The following NR1D2 variants were observed in gnomAD, a reference collection of about 807,000 sequenced individuals.
The protein encoded by NR1D2 is V-erbA-related protein 1-related.
NR1D2 carries 25 observed loss-of-function variants against 52.2 expected under a neutral mutation model. The observed-to-expected ratio is 0.48, with a 90% confidence interval of 0.35 to 0.67. NR1D2 has a LOEUF of 0.67. Among genes scored for constraint, NR1D2 ranks in the 30% least tolerant of loss-of-function variants. The pLI, the probability that NR1D2 is intolerant of heterozygous loss-of-function variation, is 0.01. For synonymous variants in NR1D2, 259 were observed against 230.1 expected (o/e 1.13, Z -1.14); for missense variants, 681 against 707.2 (o/e 0.96, Z 0.42).
chr3:23,959,198 G>T (rs543383798), intron 3 of NR1D2, among the ~76,000 whole-genome samples: 1 of 151,362 alleles, frequency 6.6e-6, no homozygotes, highest in Admixed American at 6.6e-5. Context: ...AGGGAGGTCA[G>T]GGCTGCAGTG....
intron 1 of NR1D2, chr3:23,946,237 C>G (rs540079255): frequency 1.0e-6 from 1 of 985,436 alleles, no homozygotes; most frequent in Non-Finnish European, 1.2e-6. Context: ...CCGGACGCCG[C>G]ACGCTCTTTT....
chr3:23,960,412 C>T (rs1419102452), intron 4 of NR1D2, among the ~76,000 whole-genome samples: 2 of 152,110 alleles, frequency 1.3e-5, no homozygotes, highest in Admixed American at 6.5e-5. Context: ...CTCAATGTAG[C>T]CTCTATCTCC....
At chr3:23,960,707 TA>T (rs1245923244) in intron 4 of NR1D2, among the ~76,000 whole-genome samples, 1 of 152,156 alleles carries the variant, frequency 6.6e-6, no homozygotes, top group East Asian at 1.9e-4. Flanking sequence ...TTTATAGTGC[TA>T]AAAGTACTAA....
At chr3:23,969,982 A>G (rs2125296342) in intron 7 of NR1D2, among the ~76,000 whole-genome samples, 1 of 152,302 alleles carries the variant, frequency 6.6e-6, no homozygotes, top group Middle Eastern at 3.4e-3. Context: ...GGGGGACAAA[A>G]GCCTTCAGAG....
At chr3:23,951,552 C>T (rs1705933572) in intron 1 of NR1D2, among the ~76,000 whole-genome samples, 1 of 152,208 alleles carries the variant, frequency 6.6e-6, no homozygotes, top group Non-Finnish European at 1.5e-5. Context: ...ATAAAGACAG[C>T]ACAATGGTTT....
chr3:23,966,183 G>T (rs927434808), intron 6 of NR1D2, among the ~76,000 whole-genome samples: 3 of 152,256 alleles, frequency 2.0e-5, no homozygotes, highest in African/African-American at 4.8e-5. Context: ...GTGAGAGGAA[G>T]TTGATGTTTG....
intron 7 of NR1D2, among the ~76,000 whole-genome samples, chr3:23,973,614 C>G (rs1706646819): frequency 1.3e-5 from 2 of 152,150 alleles, no homozygotes; most frequent in South Asian, 4.1e-4. Context: ...CTGTATATGA[C>G]TGTAGACTTA....
intron 7 of NR1D2, among the ~76,000 whole-genome samples, chr3:23,968,508 A>G (rs557985953): frequency 1.3e-5 from 2 of 152,336 alleles, no homozygotes; most frequent in South Asian, 2.1e-4. Flanking sequence ...AACTTGGGTA[A>G]GTAACTTTAC....
chr3:23,961,389 C>CTTTTTTTTTTTTTTTTTTT (rs869108010), intron 4 of NR1D2, among the ~76,000 whole-genome samples: 12 of 76,006 alleles, frequency 1.6e-4, no homozygotes, highest in East Asian at 3.7e-4. Flanking sequence ...CTTTTTCTTT[C>CTTTTTTTTTTTTTTTTTTT]TTTTTTTTTT....
chr3:23,946,153 G>A, intron 1 of NR1D2: 1 of 985,258 alleles, frequency 1.0e-6, no homozygotes, highest in South Asian at 4.7e-5. Context: ...ACACTGCGGA[G>A]GAGGCCGCGC....
Position 23,951,789 on chromosome 3 carries a change from C to T in NR1D2, c.17-2748C>T, listed in dbSNP as rs146149919. ...TTGCACATTCCTGAGGATGTGTTCT[C>T]GTCTGGGCAGGGCCTTGGAAACATG... On this transcript the variant is annotated intron_variant, in intron 1 of 7. Coordinates refer to ENST00000312521, the MANE Select transcript of NR1D2 (RefSeq NM_005126.5). Among the ~76,000 whole-genome samples, 465 of 152,270 alleles carry T rather than the reference C, an allele frequency of 3.1e-3. 4 individuals carry two copies. The highest frequency in any genetic ancestry group is 0.011 in the African/African-American group (447 of 41,562).
rs1299978376 is a variant in NR1D2, at chr3:23,967,968, C to T, written c.1488C>T (p.Leu496=). The change falls in exon 7 of 8, where the codon CTC becomes CTT. Residue 496 remains leucine, a synonymous_variant. Coordinates refer to ENST00000312521, the MANE Select transcript of NR1D2 (RefSeq NM_005126.5). ...AATTTAGTGAGAAGCTAAATGCCCT[C>T]CAACTTAGTGATGAAGAGATGAGTT... ...MFEFSEKLNA[L]QLSDEEMSLF... 3 of 1,614,022 alleles carry T rather than the reference C, an allele frequency of 1.9e-6. No individual in the cohort carries two copies. The highest frequency in any genetic ancestry group is 1.3e-5 in the African/African-American group (1 of 74,918).
At position 23,957,213 on chromosome 3, in the gene NR1D2, C is replaced by T. The variant is rs183457473; in HGVS notation, c.372+1088C>T. Among the ~76,000 whole-genome samples the T allele has an allele frequency of 3.0e-3, 461 of 151,772 alleles. 3 individuals carry two copies. The highest frequency in any genetic ancestry group is 0.011 in the African/African-American group (443 of 41,434). The stretch of plus-strand genomic sequence containing the variant: ...GGCCAGGCTGGTCTTGAACTCCTAA[C>T]CTCAGGTGATCTGCCCGCCTCGGCT... On this transcript the variant is annotated intron_variant, in intron 3 of 7. Transcript: ENST00000312521.
Position 23,946,411 on chromosome 3 carries a change from G to T in NR1D2, c.16+817G>T, listed in dbSNP as rs951553896. The T allele has an allele frequency of 1.4e-5, 8 of 552,880 alleles. No homozygotes were observed. In the African/African-American group the frequency reaches 1.6e-4, roughly 11 times the overall value. 34.2% of individuals were successfully genotyped at this position (552,880 alleles called of 1,614,324 possible). A position where few individuals can be genotyped will look rare whatever the true frequency, so the allele number is the denominator to read the frequency against. ...GGGAAGGCGTGGGGCTTTCCCGAAG[G>T]GATACGCTCGAAGGAGCTCTGAGGT... On this transcript the variant is annotated intron_variant, in intron 1 of 7. Transcript: ENST00000312521.
At chr3:23,972,597 G>C (rs1706619285) in intron 7 of NR1D2, among the ~76,000 whole-genome samples, 1 of 152,158 alleles carries the variant, frequency 6.6e-6, no homozygotes, top group South Asian at 2.1e-4. Context: ...TTTTGTTGAA[G>C]GTTTGACTTT....
At chr3:23,967,252 G>A (rs1016807535) in intron 6 of NR1D2, among the ~76,000 whole-genome samples, 2 of 152,080 alleles carry the variant, frequency 1.3e-5, no homozygotes, top group Non-Finnish European at 2.9e-5. Flanking sequence ...GAACCCAGGA[G>A]GCAGAGGTTG....
At chr3:23,948,923 A>G (rs11922609) in intron 1 of NR1D2, among the ~76,000 whole-genome samples, 65,869 of 152,130 alleles carry the variant, frequency 0.43, 16,165 homozygotes, top group African/African-American at 0.67. Context: ...GGTTATAGCT[A>G]GTGGAAAAGG....
At chr3:23,947,152 A>G (rs1310031686) in intron 1 of NR1D2, among the ~76,000 whole-genome samples, 2 of 152,160 alleles carry the variant, frequency 1.3e-5, no homozygotes, top group Non-Finnish European at 2.9e-5. Context: ...TTAAACTTCT[A>G]CATGTTAGAA....
intron 7 of NR1D2, among the ~76,000 whole-genome samples, chr3:23,970,141 T>A (rs1706548254): frequency 6.6e-6 from 1 of 152,234 alleles, no homozygotes; most frequent in African/African-American, 2.4e-5. Context: ...TAATTCTGCA[T>A]TTTTATTGTG....
Sources: gnomAD v4.1 joint callset for allele counts (sites outside exome capture counted in the v4.1 genomes callset) on GRCh38, gnomAD v4.1.1 for gene constraint, MANE v1.5 for transcripts, NCBI Gene and HGNC (gene_info 2026-07-23, HGNC 2026-07-21) for gene names.